LIN7A: variants seen among roughly 807,000 people sequenced by gnomAD.
The protein encoded by LIN7A is lin-7 cell polarity scaffold A, also known as protein lin-7 homolog A.
In LIN7A, 25 loss-of-function variants were observed where a neutral mutation model predicts 29.8. That is an observed-to-expected ratio of 0.84 (90% CI 0.61 to 1.17). The LOEUF (loss-of-function observed/expected upper bound fraction) is 1.17. LIN7A is among the 50% of genes most tolerant of loss of function. The pLI is 0.00. For synonymous variants in LIN7A, 118 were observed against 107.5 expected, an observed-to-expected ratio of 1.10 and a Z score of -0.60; for missense variants, 239 against 287.0, an observed-to-expected ratio of 0.83 and a Z score of 1.21.
intron 2 of LIN7A, among the ~76,000 whole-genome samples, chr12:80,868,219 G>A (rs1874239858): frequency 6.6e-6 from 1 of 152,176 alleles, no homozygotes; most frequent in South Asian, 2.1e-4. Context: ...AGTTCTTCCA[G>A]CATGTCACTG....
chr12:80,927,560 A>G (rs1292447112), intron 1 of LIN7A, among the ~76,000 whole-genome samples: 1 of 152,080 alleles, frequency 6.6e-6, no homozygotes, highest in Non-Finnish European at 1.5e-5. Flanking sequence ...TTCATTGGGT[A>G]TTTTCAGTTA....
chr12:80,810,397 G>C (rs1395289967), intron 5 of LIN7A, among the ~76,000 whole-genome samples: 1 of 6,086 alleles, frequency 1.6e-4, no homozygotes, highest in African/African-American at 5.0e-4. Flanking sequence ...ATACATCTGT[G>C]TGTGTGTGTG....
chr12:80,904,460 C>T (rs1876375451), intron 1 of LIN7A, among the ~76,000 whole-genome samples: 1 of 152,128 alleles, frequency 6.6e-6, no homozygotes, highest in Admixed American at 6.5e-5. Context: ...TAGCCCCCAC[C>T]TTCTAGTAAC....
chr12:80,864,149 G>A (rs1417418031), intron 2 of LIN7A, among the ~76,000 whole-genome samples: 1 of 152,082 alleles, frequency 6.6e-6, no homozygotes, highest in Non-Finnish European at 1.5e-5. Context: ...CGTAATACTT[G>A]CAGCAACTGT....
rs1173624457 is a variant in LIN7A at position 80,796,328 on chromosome 12, G to A, written c.*1399C>T. On this transcript the variant is annotated 3_prime_UTR_variant, in exon 6 of 6. Transcript: ENST00000552864. ...TCTTAGGTTCATTTATGTGCTTAAG[G>A]TATTCAAATGCCCAAACAATTATTG... The A allele has an allele frequency of 2.0e-5, 3 of 152,026 alleles. No individual in the cohort carries two copies. The highest frequency in any genetic ancestry group is 7.2e-5 in the African/African-American group (3 of 41,414). 9.4% of individuals were successfully genotyped at this position (152,026 alleles called of 1,614,324 possible). A position where few individuals can be genotyped will look rare whatever the true frequency, so the allele number is the denominator to read the frequency against.
intron 2 of LIN7A, among the ~76,000 whole-genome samples, chr12:80,848,739 A>G (rs1873192875): frequency 6.6e-6 from 1 of 152,178 alleles, no homozygotes; most frequent in Admixed American, 6.6e-5. Flanking sequence ...AGTATACGTA[A>G]AAATTTATTG....
chr12:80,826,107 G>A (rs959231919), intron 4 of LIN7A, among the ~76,000 whole-genome samples: 1 of 89,098 alleles, frequency 1.1e-5, no homozygotes, highest in African/African-American at 3.1e-5. Context: ...TTTCTTGCAG[G>A]AGAAGTCAAA....
intron 4 of LIN7A, among the ~76,000 whole-genome samples, chr12:80,820,956 G>A (rs544039739): frequency 6.6e-6 from 1 of 152,114 alleles, no homozygotes; most frequent in Non-Finnish European, 1.5e-5. Flanking sequence ...TGTTGTGACC[G>A]CCAGTTCTCA....
rs569992424 is a variant in LIN7A, at chr12:80,866,943, T to C, written c.202-18621A>G. 4.0e-3 allele frequency among the ~76,000 whole-genome samples: 616 copies of C among 152,282 alleles called. 2 individuals are homozygous for C. The highest frequency in any genetic ancestry group is 7.5e-3 in the Admixed American group (115 of 15,292). Reference sequence around the variant, plus strand: ...CACCCAGTGGAAAAGAGGGCATTACTGGTTCCCATGTCTCTCTTTTTTTTA... The same window carrying C: ...CACCCAGTGGAAAAGAGGGCATTACCGGTTCCCATGTCTCTCTTTTTTTTA... On this transcript the variant is annotated intron_variant, in intron 2 of 5. Coordinates refer to ENST00000552864, the MANE Select transcript of LIN7A (RefSeq NM_004664.4).
At chr12:80,860,790 C>G (rs1459089274) in intron 2 of LIN7A, among the ~76,000 whole-genome samples, 1 of 152,228 alleles carries the variant, frequency 6.6e-6, no homozygotes, top group African/African-American at 2.4e-5. Flanking sequence ...ACATGACACT[C>G]TTTTCTGCCA....
At chr12:80,816,641 G>C (rs1322006867) in intron 4 of LIN7A, among the ~76,000 whole-genome samples, 1 of 152,152 alleles carries the variant, frequency 6.6e-6, no homozygotes, top group African/African-American at 2.4e-5. Context: ...AAATAGCTCA[G>C]TAGATAACCA....
At position 80,937,665 on chromosome 12, in the gene LIN7A, C is replaced by T. The variant is rs375052699; in HGVS notation, c.58G>A (p.Val20Ile). The T allele has an allele frequency of 4.1e-5, 65 of 1,570,074 alleles. No homozygotes were observed. In the African/African-American group the frequency reaches 8.6e-4, roughly 21 times the overall value. Residue 20 changes from valine (V) to isoleucine (I), a missense_variant, in exon 1 of 6, where the codon GTC (valine) becomes ATC (isoleucine). Physicochemically the swap from Val to Ile is conservative, Grantham distance 29. Transcript: ENST00000552864. ...CCTCTGTCCAGGGTGAGCGGCTGGA[C>T]CACTGTCAATGTCGCCATGTCTGCC... ...PTADMATLTV[V>I]QPLTLDRDVA...
At chr12:80,887,055 A>C (rs1178967822) in intron 2 of LIN7A, among the ~76,000 whole-genome samples, 1 of 152,120 alleles carries the variant, frequency 6.6e-6, no homozygotes, top group Non-Finnish European at 1.5e-5. Context: ...AGTCTTCTGC[A>C]AAACTAGTCC....
At chr12:80,915,852 GAAC>G (rs1397736594) in intron 1 of LIN7A, among the ~76,000 whole-genome samples, 1 of 152,252 alleles carries the variant, frequency 6.6e-6, no homozygotes, top group Non-Finnish European at 1.5e-5. Context: ...ATAAAGATGG[GAAC>G]AACAGACAAT....
At chr12:80,879,459 C>T (rs781450267) in intron 2 of LIN7A, among the ~76,000 whole-genome samples, 2 of 151,610 alleles carry the variant, frequency 1.3e-5, no homozygotes, top group Non-Finnish European at 2.9e-5. Context: ...AAATTGATGA[C>T]CTCTTTCTAA....
Position 80,882,287 on chromosome 12 carries a change from C to CTTTTTTTTTTTTTTTTTTTTTTTTT in LIN7A, c.201+6963_201+6964insAAAAAAAAAAAAAAAAAAAAAAAAA, listed in dbSNP as rs56000415. Among the ~76,000 whole-genome samples, 386 of 87,650 alleles carry CTTTTTTTTTTTTTTTTTTTTTTTTT rather than the reference C, an allele frequency of 4.4e-3. 91 individuals are homozygous for CTTTTTTTTTTTTTTTTTTTTTTTTT. The highest frequency in any genetic ancestry group is 7.7e-3 in the Non-Finnish European group (271 of 34,996). 57.5% of individuals were successfully genotyped at this position (87,650 alleles called of 152,430 possible). On this transcript the variant is annotated intron_variant, in intron 2 of 5. Coordinates refer to ENST00000552864, the MANE Select transcript of LIN7A (RefSeq NM_004664.4). ...ACAGTACTATCATTTTTCTTTCATTCTTTTTTTTTTTTTTTGAGACGGAGT... is the reference window on the plus strand; with the variant it reads ...ACAGTACTATCATTTTTCTTTCATTCTTTTTTTTTTTTTTTTTTTTTTTTTTTTTTTTTTTTTTTTGAGACGGAGT...
intron 5 of LIN7A, among the ~76,000 whole-genome samples, chr12:80,807,077 T>TTTGTTTG (rs1565883817): frequency 8.7e-6 from 1 of 115,538 alleles, no homozygotes; most frequent in African/African-American, 3.2e-5. Context: ...TTTTTTTTTT[T>TTTGTTTG]TTTTTTTTTT....
chr12:80,847,726 AG>A (rs1314662101), intron 3 of LIN7A, among the ~76,000 whole-genome samples: 1 of 152,138 alleles, frequency 6.6e-6, no homozygotes, highest in East Asian at 1.9e-4. Flanking sequence ...GAGTCTTTAA[AG>A]GGCAGATGTG....
At position 80,796,468 on chromosome 12, in the gene LIN7A, T is replaced by C. The variant is rs1592838534; in HGVS notation, c.*1259A>G. 2 of 152,172 alleles carry C rather than the reference T, an allele frequency of 1.3e-5. No individual in the cohort carries two copies. The highest frequency in any genetic ancestry group is 2.9e-5 in the Non-Finnish European group (2 of 68,002). 9.4% of individuals were successfully genotyped at this position (152,172 alleles called of 1,614,324 possible). A position where few individuals can be genotyped will look rare whatever the true frequency, so the allele number is the denominator to read the frequency against. The stretch of plus-strand genomic sequence containing the variant: ...AGATTATTTTCCAGTGAATGATATT[T>C]TCTGAAAAATGATATCTCATTGTCT... On this transcript the variant is annotated 3_prime_UTR_variant, in exon 6 of 6. Coordinates refer to ENST00000552864, the MANE Select transcript of LIN7A (RefSeq NM_004664.4).
Sources: allele counts gnomAD v4.1 joint callset (sites outside exome capture counted in the v4.1 genomes callset), GRCh38; gene constraint gnomAD v4.1.1; transcripts MANE v1.5; gene names NCBI Gene and HGNC (gene_info 2026-07-23, HGNC 2026-07-21).